Variants in PRR16 observed in about 807,000 individuals in gnomAD.
The protein encoded by PRR16 is proline rich 16.
In PRR16, 6 loss-of-function variants were observed where a neutral mutation model predicts 18.2. That is an observed-to-expected ratio of 0.33 (90% CI 0.18 to 0.65). PRR16 has a LOEUF of 0.65. PRR16 is among the 30% of genes least tolerant of loss of function. The pLI is 0.74. For missense variants in PRR16, 412 were observed against 376.6 expected (o/e 1.09, Z -0.78); for synonymous variants, 151 against 147.8 (o/e 1.02, Z -0.16).
the PRR16 span, among the ~76,000 whole-genome samples, chr5:120,734,278 T>C: frequency 2.0e-5 from 3 of 151,786 alleles, no homozygotes; most frequent in African/African-American, 7.3e-5. Flanking sequence ...AAAACAGGAG[T>C]GAGGAGGGAA....
intron 1 of PRR16, among the ~76,000 whole-genome samples, chr5:120,560,893 G>T (rs761804075): frequency 6.6e-6 from 1 of 152,006 alleles, no homozygotes; most frequent in African/African-American, 2.4e-5. Flanking sequence ...ATTTTCTCTA[G>T]ATTTTCCAGT....
the PRR16 span, among the ~76,000 whole-genome samples, chr5:120,742,280 GT>G: frequency 0.22 from 31,345 of 140,406 alleles, 3,803 homozygotes; most frequent in Non-Finnish European, 0.28. Flanking sequence ...TTACTTGTGG[GT>G]TTTTTTTTTT....
In PRR16 at chr5:120,687,141, A is replaced by G. The variant is rs1017515214; in HGVS notation, c.*432A>G. The G allele has an allele frequency of 1.3e-5, 2 of 153,162 alleles. No homozygotes were observed. The highest frequency in any genetic ancestry group is 4.8e-5 in the African/African-American group (2 of 41,470). The allele number at this position is 153,162 out of a possible 1,614,324, so 9.5% of individuals were successfully genotyped here. On this transcript the variant is annotated 3_prime_UTR_variant, in exon 2 of 2. Coordinates refer to ENST00000407149, the MANE Select transcript of PRR16 (RefSeq NM_001300783.2). ...AAGGACTATTTTATTATTTTTTTCT[A>G]AAGATGTTTGTCACTAGTTTTTCAT...
chr5:120,743,570 G>A, the PRR16 span, among the ~76,000 whole-genome samples: 1 of 151,938 alleles, frequency 6.6e-6, no homozygotes, highest in African/African-American at 2.4e-5. Flanking sequence ...AAGGAACTTT[G>A]CAAACTTTAT....
chr5:120,624,443 T>G (rs1467790856), intron 1 of PRR16, among the ~76,000 whole-genome samples: 1 of 152,104 alleles, frequency 6.6e-6, no homozygotes, highest in African/African-American at 2.4e-5. Flanking sequence ...AGTAATATAT[T>G]TTGCTTCAGT....
At chr5:120,690,641 C>A (rs752408351), downstream of PRR16, among the ~76,000 whole-genome samples, 6 of 152,104 alleles carry the variant, frequency 3.9e-5, no homozygotes, top group Non-Finnish European at 8.8e-5. Context: ...TTTTCTGGGT[C>A]AATGTGTAAC....
chr5:120,571,393 G>GT (rs1374119651), intron 1 of PRR16, among the ~76,000 whole-genome samples: 1 of 152,158 alleles, frequency 6.6e-6, no homozygotes, highest in African/African-American at 2.4e-5. Flanking sequence ...AGTGAAGCCA[G>GT]TATTTCTGAA....
intron 1 of PRR16, among the ~76,000 whole-genome samples, chr5:120,669,275 C>T (rs950433149): frequency 3.3e-5 from 5 of 151,922 alleles, no homozygotes; most frequent in Non-Finnish European, 4.4e-5. Context: ...CTCTGAAAAC[C>T]GTAGGAAAAG....
chr5:120,573,907 A>G (rs1274956221), intron 1 of PRR16, among the ~76,000 whole-genome samples: 2 of 151,622 alleles, frequency 1.3e-5, no homozygotes, highest in Non-Finnish European at 2.9e-5. Flanking sequence ...ATGTGTGTAT[A>G]TATATATATA....
chr5:120,731,048 C>A, the PRR16 span, among the ~76,000 whole-genome samples: 7 of 151,990 alleles, frequency 4.6e-5, no homozygotes, highest in East Asian at 1.9e-4. Context: ...TAAATATGAG[C>A]CCTTTAATCA....
chr5:120,670,753 T>G (rs1235270992), intron 1 of PRR16, among the ~76,000 whole-genome samples: 2 of 152,166 alleles, frequency 1.3e-5, no homozygotes, highest in East Asian at 3.9e-4. Flanking sequence ...TGAACCAAAC[T>G]TGGTATTCTC....
chr5:120,618,597 T>A, intron 1 of PRR16: 3 of 901,410 alleles, frequency 3.3e-6, no homozygotes, highest in Non-Finnish European at 4.0e-6. Flanking sequence ...GCAAATCACA[T>A]AAAATGGACA....
downstream of PRR16, among the ~76,000 whole-genome samples, chr5:120,688,819 C>T (rs1272996249): frequency 2.6e-5 from 4 of 152,194 alleles, no homozygotes; most frequent in South Asian, 8.3e-4. Context: ...AATTTCCTTG[C>T]GATAAAGCAA....
intron 1 of PRR16, among the ~76,000 whole-genome samples, chr5:120,674,736 G>C (rs1453905097): frequency 1.3e-5 from 2 of 151,442 alleles, no homozygotes; most frequent in Non-Finnish European, 2.9e-5. Flanking sequence ...CTCTTTTTCT[G>C]TTTCTGGAAC....
At chr5:120,762,608 G>T in the PRR16 span, among the ~76,000 whole-genome samples, 1 of 152,184 alleles carries the variant, frequency 6.6e-6, no homozygotes, top group Non-Finnish European at 1.5e-5. Context: ...GTCTATACAG[G>T]TTCTTTGCCC....
the PRR16 span, among the ~76,000 whole-genome samples, chr5:120,743,141 A>G: frequency 6.6e-6 from 1 of 152,170 alleles, no homozygotes; most frequent in Non-Finnish European, 1.5e-5. Flanking sequence ...TCATTATTCC[A>G]ACTCCCACAC....
chr5:120,683,897 G>A (rs1342439183), intron 1 of PRR16, among the ~76,000 whole-genome samples: 2 of 148,066 alleles, frequency 1.4e-5, no homozygotes, highest in Non-Finnish European at 3.0e-5. Flanking sequence ...TAAACAGGGA[G>A]TTAACAAAAG....
the PRR16 span, among the ~76,000 whole-genome samples, chr5:120,742,842 C>T: frequency 6.6e-6 from 1 of 152,166 alleles, no homozygotes; most frequent in African/African-American, 2.4e-5. Context: ...AAAGAAGGAT[C>T]CATTTTCTTG....
intron 1 of PRR16, among the ~76,000 whole-genome samples, chr5:120,675,443 C>T (rs1195055192): frequency 6.6e-6 from 1 of 152,058 alleles, no homozygotes; most frequent in Non-Finnish European, 1.5e-5. Flanking sequence ...TCAACAATGC[C>T]CCACTCTAAC....
Sources: allele counts gnomAD v4.1 joint callset (sites outside exome capture counted in the v4.1 genomes callset), GRCh38; gene constraint gnomAD v4.1.1; transcripts MANE v1.5; gene names NCBI Gene and HGNC (gene_info 2026-07-23, HGNC 2026-07-21).